EXOC6: variants seen among roughly 807,000 people sequenced by gnomAD.
EXOC6 encodes the protein exocyst complex component 6.
A neutral mutation model predicts 112.5 loss-of-function variants in EXOC6; 60 were observed. That is an observed-to-expected ratio of 0.53 (90% CI 0.43 to 0.66). EXOC6 has a LOEUF of 0.66. EXOC6 is among the 30% of genes least tolerant of loss of function. The pLI, the probability that EXOC6 is intolerant of heterozygous loss-of-function variation, is 0.00. For synonymous variants in EXOC6, 295 were observed against 308.0 expected, an observed-to-expected ratio of 0.96 and a Z score of 0.44; for missense variants, 855 against 957.1, an observed-to-expected ratio of 0.89 and a Z score of 1.41.
chr10:92,944,648 A>G (rs975101484), intron 13 of EXOC6, among the ~76,000 whole-genome samples: 1 of 152,078 alleles, frequency 6.6e-6, no homozygotes, highest in African/African-American at 2.4e-5. Flanking sequence ...TCCATAATGG[A>G]TATATTAATT....
In EXOC6 at chr10:93,059,025, A is replaced by T. The variant is rs1324608032; in HGVS notation, c.*670A>T. 6.6e-6 allele frequency: 1 copy of T among 152,178 alleles called. No homozygotes were observed. The highest frequency in any genetic ancestry group is 1.5e-5 in the Non-Finnish European group (1 of 68,038). The allele number at this position is 152,178 out of a possible 1,614,324, so 9.4% of individuals were successfully genotyped here. A position where few individuals can be genotyped will look rare whatever the true frequency, so the allele number is the denominator to read the frequency against. On this transcript the variant is annotated 3_prime_UTR_variant, in exon 22 of 22. Coordinates refer to ENST00000260762, the MANE Select transcript of EXOC6 (RefSeq NM_019053.6). ...CTGTTCATCAGGGTTAATATTTCTAACTATATTGCTTGTAGGTGACCCCAT... is the reference window on the plus strand; with the variant it reads ...CTGTTCATCAGGGTTAATATTTCTATCTATATTGCTTGTAGGTGACCCCAT...
upstream of EXOC6, among the ~76,000 whole-genome samples, chr10:92,831,816 A>G (rs2133562977): frequency 6.6e-6 from 1 of 152,352 alleles, no homozygotes; most frequent in South Asian, 2.1e-4. Flanking sequence ...ATAAAGAGAG[A>G]GAGAAAGAGA....
intron 18 of EXOC6, among the ~76,000 whole-genome samples, chr10:92,975,988 C>T (rs1432351851): frequency 1.3e-4 from 19 of 145,858 alleles, no homozygotes; most frequent in Non-Finnish European, 2.7e-4. Context: ...CCCAGCCGCC[C>T]CTACTGGGAA....
chr10:93,029,417 A>G (rs1010607320), intron 20 of EXOC6, among the ~76,000 whole-genome samples: 1 of 152,022 alleles, frequency 6.6e-6, no homozygotes, highest in African/African-American at 2.4e-5. Context: ...TCATCCATGT[A>G]TTTGCCATTT....
At chr10:92,999,740 G>A (rs1413371255) in intron 19 of EXOC6, among the ~76,000 whole-genome samples, 1 of 145,248 alleles carries the variant, frequency 6.9e-6, no homozygotes, top group Admixed American at 7.0e-5. Flanking sequence ...GTCTCGCTGT[G>A]TCTCCCAGGC....
At chr10:92,936,308 C>G (rs1852334889) in intron 12 of EXOC6, among the ~76,000 whole-genome samples, 1 of 152,180 alleles carries the variant, frequency 6.6e-6, no homozygotes, top group Non-Finnish European at 1.5e-5. Flanking sequence ...GTTCTTTAAG[C>G]TTTAGATCCT....
intron 17 of EXOC6, among the ~76,000 whole-genome samples, chr10:92,961,537 C>T (rs1257980267): frequency 1.3e-5 from 2 of 152,026 alleles, no homozygotes; most frequent in Non-Finnish European, 2.9e-5. Context: ...TTGTAGGTCC[C>T]TTCGTAAATA....
chr10:92,941,448 A>G (rs1050581615), intron 13 of EXOC6, among the ~76,000 whole-genome samples: 1 of 152,242 alleles, frequency 6.6e-6, no homozygotes, highest in Non-Finnish European at 1.5e-5. Flanking sequence ...GTTTATACCC[A>G]GAAGTGAAAT....
intron 20 of EXOC6, among the ~76,000 whole-genome samples, chr10:93,049,693 CCTCAGCCTCCCAA>C (rs1214947545): frequency 6.6e-6 from 1 of 152,180 alleles, no homozygotes; most frequent in Admixed American, 6.5e-5. Context: ...TAGCCTCCCA[CCTCAGCCTCCCAA>C]GTAGCTAGCA....
At chr10:92,926,739 G>A (rs1420060384) in intron 8 of EXOC6, among the ~76,000 whole-genome samples, 1 of 152,054 alleles carries the variant, frequency 6.6e-6, no homozygotes, top group Non-Finnish European at 1.5e-5. Flanking sequence ...TCACCACGTT[G>A]CCCAGGCTGG....
At chr10:92,907,564 T>C (rs1850514689) in intron 5 of EXOC6, among the ~76,000 whole-genome samples, 1 of 152,206 alleles carries the variant, frequency 6.6e-6, no homozygotes, top group African/African-American at 2.4e-5. Context: ...GGTAATACTT[T>C]TCATTTATTC....
intron 1 of EXOC6, among the ~76,000 whole-genome samples, chr10:92,871,806 TA>T: frequency 6.6e-6 from 1 of 151,834 alleles, no homozygotes. Flanking sequence ...AGATTCCGTC[TA>T]AAAAAAATAA....
intron 6 of EXOC6, among the ~76,000 whole-genome samples, chr10:92,911,516 T>C (rs974421081): frequency 6.6e-6 from 1 of 152,222 alleles, no homozygotes; most frequent in Non-Finnish European, 1.5e-5. Flanking sequence ...TTATCTTCTT[T>C]GACTTGTTTT....
At chr10:92,996,525 G>A (rs1256233237) in intron 18 of EXOC6, among the ~76,000 whole-genome samples, 5 of 151,644 alleles carry the variant, frequency 3.3e-5, no homozygotes, top group Non-Finnish European at 7.4e-5. Context: ...GCTGAGGCAG[G>A]AGAATGGTGT....
intron 1 of EXOC6, among the ~76,000 whole-genome samples, chr10:92,880,076 A>G (rs1407034254): frequency 1.3e-5 from 2 of 152,208 alleles, no homozygotes; most frequent in African/African-American, 4.8e-5. Flanking sequence ...GTGGTACTAA[A>G]TGAAAATACA....
chr10:92,999,633 A>T (rs139964804), intron 19 of EXOC6, among the ~76,000 whole-genome samples: 1 of 152,072 alleles, frequency 6.6e-6, no homozygotes, highest in African/African-American at 2.4e-5. Context: ...CCACATTTAC[A>T]TAACTTTCAT....
At chr10:93,023,894 A>G (rs1263569180) in intron 20 of EXOC6, among the ~76,000 whole-genome samples, 1 of 148,814 alleles carries the variant, frequency 6.7e-6, no homozygotes, top group Non-Finnish European at 1.5e-5. Context: ...ATTTCACTAA[A>G]TATCACTGGG....
chr10:92,958,567 A>G (rs1853818173), intron 17 of EXOC6, among the ~76,000 whole-genome samples: 1 of 152,194 alleles, frequency 6.6e-6, no homozygotes, highest in Admixed American at 6.5e-5. Flanking sequence ...ATTGTCTTTA[A>G]GGGCTTGAAA....
chr10:92,883,663 A>G (rs1486694774), intron 1 of EXOC6, among the ~76,000 whole-genome samples: 2 of 152,210 alleles, frequency 1.3e-5, no homozygotes, highest in Non-Finnish European at 2.9e-5. Flanking sequence ...AATAATAGTA[A>G]AAATGCCTAT....
Sources: allele counts gnomAD v4.1 joint callset (sites outside exome capture counted in the v4.1 genomes callset), GRCh38; gene constraint gnomAD v4.1.1; transcripts MANE v1.5; gene names NCBI Gene and HGNC (gene_info 2026-07-23, HGNC 2026-07-21).